Variants in CLDN10 observed in about 807,000 individuals in gnomAD.
CLDN10 encodes the protein claudin 10.
CLDN10 carries 15 observed loss-of-function variants against 22.9 expected under a neutral mutation model. The observed-to-expected ratio is 0.65, with a 90% CI of 0.44 to 1.01. The LOEUF (loss-of-function observed/expected upper bound fraction) is 1.01, where lower values mean the gene tolerates loss of function less well. Ranked by LOEUF, CLDN10 falls within the 50% of genes least tolerant of loss-of-function variation. The probability of loss-of-function intolerance (pLI) is 0.00; values close to 1 mark genes in which losing one functional copy is unlikely to be tolerated. For synonymous variants in CLDN10, 114 were observed against 111.4 expected (o/e 1.02, Z -0.15); for missense variants, 247 against 287.8 (o/e 0.86, Z 1.03).
intron 1 of CLDN10, among the ~76,000 whole-genome samples, chr13:95,474,312 G>A (rs1387234250): frequency 6.6e-6 from 1 of 152,148 alleles, no homozygotes; most frequent in Non-Finnish European, 1.5e-5. Context: ...CTAATGCCCA[G>A]CTGATCTGAC....
intron 1 of CLDN10, among the ~76,000 whole-genome samples, chr13:95,535,144 T>A (rs9525010): frequency 0.39 from 59,022 of 151,960 alleles, 11,687 homozygotes; most frequent in Non-Finnish European, 0.42. Context: ...GCATGGCAGG[T>A]GATGGGCTGA....
intron 3 of CLDN10, among the ~76,000 whole-genome samples, chr13:95,575,293 T>C (rs572530367): frequency 1.3e-5 from 2 of 152,380 alleles, no homozygotes; most frequent in South Asian, 4.1e-4. Flanking sequence ...TTATGCTCAT[T>C]CCTTTAGTTG....
intron 1 of CLDN10, among the ~76,000 whole-genome samples, chr13:95,517,052 C>T (rs147492134): frequency 6.7e-6 from 1 of 150,230 alleles, no homozygotes; most frequent in African/African-American, 2.5e-5. Flanking sequence ...TTTTCTTTCT[C>T]TCTCCCTTTT....
At chr13:95,449,617 C>T (rs756904116) in intron 1 of CLDN10, among the ~76,000 whole-genome samples, 11 of 151,694 alleles carry the variant, frequency 7.3e-5, no homozygotes, top group Non-Finnish European at 1.5e-4. Context: ...TCTAGGCTGG[C>T]GTGCAGTGGT....
At chr13:95,444,857 C>T (rs55952231) in intron 1 of CLDN10, among the ~76,000 whole-genome samples, 57,796 of 152,088 alleles carry the variant, frequency 0.38, 11,362 homozygotes, top group Middle Eastern at 0.5. Flanking sequence ...TGCAGTGGTG[C>T]TATCTCGGCT....
intron 3 of CLDN10, among the ~76,000 whole-genome samples, chr13:95,568,803 A>C (rs12855856): frequency 6.6e-6 from 1 of 152,150 alleles, no homozygotes; most frequent in South Asian, 2.1e-4. Flanking sequence ...CATATCTCCT[A>C]GAATGGTAAG....
intron 1 of CLDN10, among the ~76,000 whole-genome samples, chr13:95,555,057 T>TG (rs11462962): frequency 0.27 from 39,416 of 147,124 alleles, 5,605 homozygotes; most frequent in South Asian, 0.32. Flanking sequence ...GTTTTTTTTT[T>TG]TTTTTTTTTT....
At chr13:95,553,819 C>G (rs1230884325) in intron 1 of CLDN10, among the ~76,000 whole-genome samples, 1 of 152,222 alleles carries the variant, frequency 6.6e-6, no homozygotes, top group African/African-American at 2.4e-5. Flanking sequence ...TCACACAGAA[C>G]TCTGGCTCTG....
At chr13:95,482,583 C>G (rs1010781021) in intron 1 of CLDN10, among the ~76,000 whole-genome samples, 3 of 152,192 alleles carry the variant, frequency 2.0e-5, no homozygotes, top group African/African-American at 7.2e-5. Flanking sequence ...GAAGTCTAGT[C>G]CAGATCCACC....
chr13:95,471,453 A>ATATATATT lies in CLDN10; in HGVS notation c.214+37407_214+37408insATATATTT, dbSNP rs776857009. On this transcript the variant is annotated intron_variant, in intron 1 of 4. Transcript: ENST00000376873. ...CACACACACACACATATATATATAT[A>ATATATATT]TTTTTTTTTTTTTTTTTGAGATGGA... Among the ~76,000 whole-genome samples, 228 of 106,372 alleles carry ATATATATT rather than the reference A, an allele frequency of 2.1e-3. 1 individual carries two copies. Among genetic ancestry groups the ATATATATT allele is most frequent in the East Asian group, 8.1e-3 (28 of 3,468 alleles). 69.8% of individuals were successfully genotyped at this position (106,372 alleles called of 152,430 possible). A position where few individuals can be genotyped will look rare whatever the true frequency, so the allele number is the denominator to read the frequency against.
intron 1 of CLDN10, among the ~76,000 whole-genome samples, chr13:95,449,845 G>A (rs1337291273): frequency 2.0e-5 from 3 of 149,954 alleles, no homozygotes; most frequent in South Asian, 2.1e-4. Flanking sequence ...CCGGGTTCAC[G>A]CCATTCCCCT....
chr13:95,545,494 G>A (rs185799488), intron 1 of CLDN10, among the ~76,000 whole-genome samples: 98 of 152,132 alleles, frequency 6.4e-4, no homozygotes, highest in African/African-American at 2.1e-3. Context: ...CCGAGATCGC[G>A]CCTTTGCACT....
At chr13:95,462,801 C>T (rs1382253442) in intron 1 of CLDN10, among the ~76,000 whole-genome samples, 1 of 152,118 alleles carries the variant, frequency 6.6e-6, no homozygotes, top group African/African-American at 2.4e-5. Context: ...CTGGAAGCAA[C>T]CAGAAATGGG....
At chr13:95,557,197 A>T (rs2138652374) in intron 1 of CLDN10, among the ~76,000 whole-genome samples, 1 of 152,336 alleles carries the variant, frequency 6.6e-6, no homozygotes, top group South Asian at 2.1e-4. Context: ...ATGCCTCAGC[A>T]CCTTAATGTG....
Position 95,579,231 on chromosome 13 carries a change from C to G in CLDN10, c.*1217C>G, listed in dbSNP as rs1441688046. 2 of 152,162 alleles carry G rather than the reference C, an allele frequency of 1.3e-5. No homozygotes were observed. The highest frequency in any genetic ancestry group is 2.9e-5 in the Non-Finnish European group (2 of 68,036). 9.4% of individuals were successfully genotyped at this position (152,162 alleles called of 1,614,324 possible). A position where few individuals can be genotyped will look rare whatever the true frequency, so the allele number is the denominator to read the frequency against. Reference sequence around the variant, plus strand: ...TTCTATCTAGGTGTGTCTTCCAGAACCTGTTTACGGCTAACTGGATAACTG... The same window carrying G: ...TTCTATCTAGGTGTGTCTTCCAGAAGCTGTTTACGGCTAACTGGATAACTG... On this transcript the variant is annotated 3_prime_UTR_variant, in exon 5 of 5. Coordinates refer to ENST00000299339, the MANE Select transcript of CLDN10 (RefSeq NM_006984.5).
At chr13:95,519,611 G>A (rs2043204759) in intron 1 of CLDN10, among the ~76,000 whole-genome samples, 2 of 152,204 alleles carry the variant, frequency 1.3e-5, no homozygotes, top group Admixed American at 1.3e-4. Context: ...TGCCATACAA[G>A]TAGTCAGTAA....
chr13:95,505,311 A>G (rs17189768), intron 1 of CLDN10, among the ~76,000 whole-genome samples: 7,489 of 152,208 alleles, frequency 0.049, 299 homozygotes, highest in African/African-American at 0.11. Context: ...AGCAGAACCC[A>G]CTCATTTTTA....
chr13:95,469,148 A>T (rs2042606844), intron 1 of CLDN10, among the ~76,000 whole-genome samples: 1 of 142,364 alleles, frequency 7.0e-6, no homozygotes, highest in Admixed American at 7.2e-5. Flanking sequence ...TTCCTCTGGC[A>T]TTTACCCCAC....
intron 1 of CLDN10, among the ~76,000 whole-genome samples, chr13:95,516,140 A>G (rs1358196610): frequency 1.3e-5 from 2 of 152,308 alleles, no homozygotes; most frequent in Admixed American, 1.3e-4. Flanking sequence ...TAAAATATTT[A>G]AGTAAATAAT....
Sources: allele counts gnomAD v4.1 joint callset (sites outside exome capture counted in the v4.1 genomes callset), GRCh38; gene constraint gnomAD v4.1.1; transcripts MANE v1.5; gene names NCBI Gene and HGNC (gene_info 2026-07-23, HGNC 2026-07-21).